DGKB: variants seen among roughly 807,000 people sequenced by gnomAD.
DGKB encodes the protein diacylglycerol kinase beta.
DGKB carries 67 observed loss-of-function variants against 114.3 expected under a neutral mutation model. That is an observed-to-expected ratio of 0.59 (90% CI 0.48 to 0.72). DGKB has a LOEUF of 0.72. Ranked by LOEUF, DGKB falls within the 30% of genes least tolerant of loss-of-function variation. The pLI, the probability that DGKB is intolerant of heterozygous loss-of-function variation, is 0.00. For synonymous variants in DGKB, 398 were observed against 323.1 expected (o/e 1.23, Z -2.49); for missense variants, 907 against 975.2 (o/e 0.93, Z 0.93).
intron 20 of DGKB, among the ~76,000 whole-genome samples, chr7:14,484,909 A>G (rs1783540323): frequency 6.6e-6 from 1 of 152,156 alleles, no homozygotes; most frequent in South Asian, 2.1e-4. Flanking sequence ...AAATTGGGAG[A>G]AGAGTTTAAA....
intron 16 of DGKB, among the ~76,000 whole-genome samples, chr7:14,612,832 C>A (rs140850797): frequency 7.9e-5 from 12 of 152,106 alleles, no homozygotes; most frequent in African/African-American, 2.7e-4. Flanking sequence ...ATGTTATCAG[C>A]CAGAATGCTG....
intron 20 of DGKB, among the ~76,000 whole-genome samples, chr7:14,528,452 A>C (rs1021982242): frequency 6.6e-6 from 1 of 152,104 alleles, no homozygotes; most frequent in Non-Finnish European, 1.5e-5. Context: ...TATGTAATCA[A>C]AGACTAATTA....
At chr7:14,185,953 C>T (rs1453462284) in intron 23 of DGKB, among the ~76,000 whole-genome samples, 1 of 152,158 alleles carries the variant, frequency 6.6e-6, no homozygotes, top group Non-Finnish European at 1.5e-5. Context: ...TAGACATTGG[C>T]TTAGGCAAGG....
chr7:14,411,015 C>T (rs535119611), intron 21 of DGKB, among the ~76,000 whole-genome samples: 22 of 152,110 alleles, frequency 1.4e-4, no homozygotes, highest in Non-Finnish European at 2.6e-4. Flanking sequence ...GCTCTTCTCC[C>T]GGGTTAGTGA....
At chr7:14,454,242 CATCT>C (rs757313332) in intron 21 of DGKB, among the ~76,000 whole-genome samples, 15 of 152,092 alleles carry the variant, frequency 9.9e-5, no homozygotes, top group South Asian at 2.1e-4. Context: ...CAACTTATTC[CATCT>C]ATCTAAGTAT....
At chr7:14,410,039 A>G (rs1185340022) in intron 21 of DGKB, among the ~76,000 whole-genome samples, 1 of 152,052 alleles carries the variant, frequency 6.6e-6, no homozygotes, top group Non-Finnish European at 1.5e-5. Flanking sequence ...TTAAAGATAG[A>G]TTTTTGACTG....
At chr7:14,716,209 G>A (rs1828154344) in intron 6 of DGKB, among the ~76,000 whole-genome samples, 1 of 152,140 alleles carries the variant, frequency 6.6e-6, no homozygotes, top group Admixed American at 6.6e-5. Flanking sequence ...ATAAGCCAGT[G>A]CTTCTCAAAA....
At chr7:14,722,183 T>G (rs898284932) in intron 5 of DGKB, among the ~76,000 whole-genome samples, 4 of 152,174 alleles carry the variant, frequency 2.6e-5, no homozygotes, top group African/African-American at 9.7e-5. Context: ...TTTGGACAGG[T>G]GTATAATGAA....
chr7:14,478,917 T>C (rs991150620), intron 20 of DGKB, among the ~76,000 whole-genome samples: 16 of 152,140 alleles, frequency 1.1e-4, no homozygotes, highest in African/African-American at 2.9e-4. Flanking sequence ...TGTTTCTTAC[T>C]TTTAGCAAAT....
intron 1 of DGKB, among the ~76,000 whole-genome samples, chr7:14,921,690 AC>A (rs1386362884): frequency 6.6e-6 from 1 of 152,202 alleles, no homozygotes; most frequent in African/African-American, 2.4e-5. Flanking sequence ...CAAAATGTCA[AC>A]ATGGCAGAAA....
chr7:14,904,247 T>C (rs7811739), upstream of DGKB, among the ~76,000 whole-genome samples: 25,889 of 151,948 alleles, frequency 0.17, 2,887 homozygotes, highest in Non-Finnish European at 0.24. Context: ...CATCACTTAA[T>C]TGAATAGTAC....
chr7:14,929,109 C>A (rs949916777), intron 1 of DGKB, among the ~76,000 whole-genome samples: 1 of 151,608 alleles, frequency 6.6e-6, no homozygotes, highest in African/African-American at 2.4e-5. Context: ...GTATATACAT[C>A]ACATTTCTTT....
chr7:14,650,529 C>T (rs1257247482), intron 13 of DGKB, among the ~76,000 whole-genome samples: 6 of 70,844 alleles, frequency 8.5e-5, no homozygotes, highest in African/African-American at 2.9e-4. Flanking sequence ...CACTAAATGC[C>T]CACAAGAGAA....
chr7:14,259,419 A>C (rs1327460181), intron 23 of DGKB, among the ~76,000 whole-genome samples: 8 of 150,176 alleles, frequency 5.3e-5, no homozygotes, highest in Non-Finnish European at 1.2e-4. Context: ...ATATATATAT[A>C]TATATATATG....
At chr7:14,399,119 C>T (rs6461094) in intron 21 of DGKB, among the ~76,000 whole-genome samples, 1 of 151,808 alleles carries the variant, frequency 6.6e-6, no homozygotes, top group Non-Finnish European at 1.5e-5. Context: ...ACTTCTCCAA[C>T]GCTCATTTTC....
At chr7:14,222,369 A>T (rs1374482825) in intron 23 of DGKB, among the ~76,000 whole-genome samples, 1 of 150,754 alleles carries the variant, frequency 6.6e-6, no homozygotes, top group African/African-American at 2.4e-5. Flanking sequence ...GTGCTTTCTA[A>T]TTTCCTTTTT....
intron 1 of DGKB, among the ~76,000 whole-genome samples, chr7:14,955,054 C>T (rs916015676): frequency 2.0e-5 from 3 of 151,954 alleles, no homozygotes; most frequent in African/African-American, 7.2e-5. Flanking sequence ...GAAGAGCTCC[C>T]AGCTGACTGT....
chr7:14,263,066 T>C (rs149665979), intron 23 of DGKB, among the ~76,000 whole-genome samples: 126 of 152,214 alleles, frequency 8.3e-4, no homozygotes, highest in African/African-American at 2.9e-3. Context: ...GTAAAGGGAT[T>C]CATTAAGAAT....
intron 13 of DGKB, among the ~76,000 whole-genome samples, chr7:14,659,641 A>G (rs1423836876): frequency 2.0e-5 from 3 of 147,734 alleles, no homozygotes; most frequent in East Asian, 2.3e-4. Context: ...GGCTGAGACA[A>G]TGGGGTTTTC....
Sources: allele counts gnomAD v4.1 joint callset (sites outside exome capture counted in the v4.1 genomes callset), GRCh38; gene constraint gnomAD v4.1.1; transcripts MANE v1.5; gene names NCBI Gene and HGNC (gene_info 2026-07-23, HGNC 2026-07-21).